Variants in TMEM132E observed in about 807,000 individuals in gnomAD.
TMEM132E encodes the protein transmembrane protein 132E.
In TMEM132E, 49 loss-of-function variants were observed where a neutral mutation model predicts 78.5. The ratio of observed to expected loss-of-function variants is 0.62; its 90% confidence interval spans 0.50 to 0.79. TMEM132E has a LOEUF of 0.79. Ranked by LOEUF, TMEM132E falls within the 30% of genes least tolerant of loss-of-function variation. The pLI is 0.00. For synonymous variants in TMEM132E, 715 were observed against 670.6 expected, an observed-to-expected ratio of 1.07 and a Z score of -1.02; for missense variants, 1,403 against 1,470.9, an observed-to-expected ratio of 0.95 and a Z score of 0.75.
chr17:34,635,666 A>C, intron 7 of TMEM132E: 1 of 242,204 alleles, frequency 4.1e-6, no homozygotes, highest in Non-Finnish European at 7.9e-6. Context: ...GAGTTCCCTC[A>C]TTTTCTAAGT....
intron 1 of TMEM132E, among the ~76,000 whole-genome samples, chr17:34,619,752 C>T (rs1906898767): frequency 6.6e-6 from 1 of 152,254 alleles, no homozygotes; most frequent in African/African-American, 2.4e-5. Flanking sequence ...ACTGTATAAG[C>T]CTGGGCCCTT....
chr17:34,638,303 C>G lies in TMEM132E; in HGVS notation c.*71C>G. The G allele has an allele frequency of 2.8e-6, 4 of 1,403,850 alleles. No homozygotes were observed. The highest frequency in any genetic ancestry group is 1.5e-5 in the African/African-American group (1 of 68,722). 87.0% of individuals were successfully genotyped at this position (1,403,850 alleles called of 1,614,324 possible). A position where few individuals can be genotyped will look rare whatever the true frequency, so the allele number is the denominator to read the frequency against. Reference sequence around the variant, plus strand: ...GCTCGGGGTAGGACACAGCCGGGACCCCGGTTCACACTGACTCTGGGCGGC... The same window carrying G: ...GCTCGGGGTAGGACACAGCCGGGACGCCGGTTCACACTGACTCTGGGCGGC... On this transcript the variant is annotated 3_prime_UTR_variant, in exon 9 of 9. Coordinates refer to ENST00000631683, the MANE Select transcript of TMEM132E (RefSeq NM_001304438.2).
At chr17:34,599,795 C>T (rs1906174772) in intron 1 of TMEM132E, among the ~76,000 whole-genome samples, 1 of 152,220 alleles carries the variant, frequency 6.6e-6, no homozygotes, top group Non-Finnish European at 1.5e-5. Flanking sequence ...CACTCACTGT[C>T]AGAGCAAGGC....
chr17:34,594,923 GACA>G (rs1906002928), intron 1 of TMEM132E, among the ~76,000 whole-genome samples: 1 of 152,222 alleles, frequency 6.6e-6, no homozygotes, highest in South Asian at 2.1e-4. Flanking sequence ...CAAGCACTGT[GACA>G]AACACCAGGC....
chr17:34,622,244 C>T (rs1321748396), intron 1 of TMEM132E, among the ~76,000 whole-genome samples: 2 of 152,230 alleles, frequency 1.3e-5, no homozygotes, highest in Admixed American at 1.3e-4. Context: ...TTCTCCACCT[C>T]CCAGGAGAAA....
At chr17:34,607,607 A>T (rs1338317087) in intron 1 of TMEM132E, among the ~76,000 whole-genome samples, 1 of 152,202 alleles carries the variant, frequency 6.6e-6, no homozygotes, top group East Asian at 1.9e-4. Flanking sequence ...CAGTCCCACA[A>T]GACTGCTACC....
At chr17:34,589,962 A>G (rs1426158811) in intron 1 of TMEM132E, among the ~76,000 whole-genome samples, 1 of 152,234 alleles carries the variant, frequency 6.6e-6, no homozygotes, top group Admixed American at 6.5e-5. Flanking sequence ...TCAATTTTCT[A>G]TGGCTGTACT....
chr17:34,626,897 C>G lies in TMEM132E; in HGVS notation c.838C>G (p.Pro280Ala), dbSNP rs570912462. 1.2e-6 allele frequency: 2 copies of G among 1,612,820 alleles called. No homozygotes were observed. The highest frequency in any genetic ancestry group is 1.7e-6 in the Non-Finnish European group (2 of 1,179,904). Residue 280 changes from proline to alanine, a missense_variant, in exon 2 of 9, where the codon CCC (proline) becomes GCC (alanine). Physicochemically the swap from Pro to Ala is conservative, Grantham distance 27. Transcript: ENST00000631683. ...RIGSISLFRP[P>A]PRRTLQEHRL... ...CGGGAGCATCAGCCTGTTCCGCCCG[C>G]CCCCCAGGAGGACCCTGCAGGAGCA...
chr17:34,637,088 G>A, intron 8 of TMEM132E, 89 bp from the exon 9 acceptor site: 1 of 1,188,266 alleles, frequency 8.4e-7, no homozygotes, highest in Non-Finnish European at 1.2e-6. Flanking sequence ...GAGACCCGTG[G>A]TCCCTGCCCC....
In TMEM132E at chr17:34,626,849, A is replaced by G; in HGVS notation, c.790A>G (p.Thr264Ala). The G allele has an allele frequency of 6.3e-7, 1 of 1,597,380 alleles. No homozygotes were observed. Among genetic ancestry groups the G allele is most frequent in the Non-Finnish European group, 8.5e-7 (1 of 1,176,080 alleles). Residue 264 changes from threonine to alanine, a missense_variant, in exon 2 of 9, where the codon ACC (threonine) becomes GCC (alanine). By Grantham distance (58) the Thr-to-Ala change is moderately conservative. This residue lies in a region of TMEM132E where 511 missense variants were observed against 499.0 expected (regional missense o/e 1.02). Coordinates refer to ENST00000631683, the MANE Select transcript of TMEM132E (RefSeq NM_001304438.2). ...GGTGGGGGCCCGAGCGGAAAGCCCT[A>G]CCCAGCACCCCCTGCTGCGCATCGG... Reference protein sequence around the residue: ...PGVGARAESPTQHPLLRIGSI... With the variant: ...PGVGARAESPAQHPLLRIGSI...
chr17:34,583,536 G>A (rs747519700), intron 1 of TMEM132E, among the ~76,000 whole-genome samples: 1 of 152,186 alleles, frequency 6.6e-6, no homozygotes, highest in Non-Finnish European at 1.5e-5. Context: ...TTAAGAATAG[G>A]GTCCGGGGAC....
At chr17:34,586,139 C>T (rs112823045) in intron 1 of TMEM132E, among the ~76,000 whole-genome samples, 37 of 152,234 alleles carry the variant, frequency 2.4e-4, no homozygotes, top group African/African-American at 7.7e-4. Flanking sequence ...CCCAAGCACA[C>T]GCCTCTCTCC....
Position 34,612,917 on chromosome 17 carries a change from T to C in TMEM132E, c.68-13210T>C, listed in dbSNP as rs114270607. Among the ~76,000 whole-genome samples, 626 of 151,978 alleles carry C rather than the reference T, an allele frequency of 4.1e-3. 9 individuals are homozygous for C. Among genetic ancestry groups the C allele is most frequent in the African/African-American group, 0.014 (585 of 41,462 alleles). ...CAGTTTTCCCAGAGTTATTGTGAGG[T>C]TGGGGTGACACTCAGCCAGTACCTA... On this transcript the variant is annotated intron_variant, in intron 1 of 8. Transcript: ENST00000631683.
chr17:34,601,142 C>A (rs1447809430), intron 1 of TMEM132E, among the ~76,000 whole-genome samples: 2 of 152,190 alleles, frequency 1.3e-5, no homozygotes, highest in Admixed American at 1.3e-4. Context: ...TTGATTCTTG[C>A]CACATCCCCA....
At chr17:34,623,020 C>T (rs1907009377) in intron 1 of TMEM132E, among the ~76,000 whole-genome samples, 2 of 152,020 alleles carry the variant, frequency 1.3e-5, no homozygotes, top group Admixed American at 6.6e-5. Flanking sequence ...GGGAGAGAAA[C>T]ATTGAATATC....
intron 1 of TMEM132E, among the ~76,000 whole-genome samples, chr17:34,597,505 T>G (rs1010009755): frequency 2.0e-5 from 3 of 152,206 alleles, no homozygotes; most frequent in African/African-American, 7.2e-5. Context: ...ACACCGACTG[T>G]GTGCCAGACA....
chr17:34,612,440 G>A (rs1325209446), intron 1 of TMEM132E, among the ~76,000 whole-genome samples: 2 of 152,156 alleles, frequency 1.3e-5, no homozygotes, highest in Non-Finnish European at 2.9e-5. Context: ...TTGGCTTATG[G>A]GACCCAACTG....
At chr17:34,629,646 T>C (rs988379701) in intron 4 of TMEM132E, among the ~76,000 whole-genome samples, 1 of 152,110 alleles carries the variant, frequency 6.6e-6, no homozygotes, top group Non-Finnish European at 1.5e-5. Flanking sequence ...GCTGGAATGA[T>C]TGTCTGGGGC....
chr17:34,629,330 G>T (rs1907268449), intron 4 of TMEM132E, 126 bp downstream of exon 4: 2 of 1,085,352 alleles, frequency 1.8e-6, no homozygotes, highest in Non-Finnish European at 1.3e-6. Context: ...GAGACTTCCT[G>T]CCATGCCCAG....
Sources: gnomAD v4.1 joint callset for allele counts (sites outside exome capture counted in the v4.1 genomes callset) on GRCh38, gnomAD v4.1.1 for gene constraint, gnomAD v4.1.1 regional missense constraint, MANE v1.5 for transcripts, NCBI Gene and HGNC (gene_info 2026-07-23, HGNC 2026-07-21) for gene names.